PTPRD: variants seen among roughly 807,000 people sequenced by gnomAD.
PTPRD encodes the protein protein tyrosine phosphatase receptor type D.
In PTPRD, 34 loss-of-function variants were observed where a neutral mutation model predicts 214.5. The observed-to-expected ratio is 0.16, with a 90% CI of 0.12 to 0.21. The LOEUF (loss-of-function observed/expected upper bound fraction) is 0.21, where lower values mean the gene tolerates loss of function less well. Ranked by LOEUF, PTPRD falls within the 10% of genes least tolerant of loss-of-function variation. The pLI is 1.00. For synonymous variants in PTPRD, 1,128 were observed against 845.7 expected, an observed-to-expected ratio of 1.33 and a Z score of -5.79; for missense variants, 2,545 against 2,398.7, an observed-to-expected ratio of 1.06 and a Z score of -1.27.
At position 9,325,157 on chromosome 9, in the gene PTPRD, A is replaced by G. The variant is rs575485709; in HGVS notation, c.-203+72292T>C. On this transcript the variant is annotated intron_variant, in intron 9 of 45. Transcript: ENST00000381196. ...TCCAGCTTTGTTCTTTTGGCTTAGG[A>G]TTGTCTTGGCAATGTGGTCTCTTTT... is the stretch of plus-strand genomic sequence containing the variant. Among the ~76,000 whole-genome samples, 899 of 152,162 alleles carry G rather than the reference A, an allele frequency of 5.9e-3. 4 individuals carry two copies. Among genetic ancestry groups the G allele is most frequent in the Non-Finnish European group, 8.2e-3 (555 of 67,986 alleles).
At chr9:9,377,695 C>T (rs1208141567) in intron 9 of PTPRD, among the ~76,000 whole-genome samples, 3 of 152,014 alleles carry the variant, frequency 2.0e-5, no homozygotes, top group Non-Finnish European at 4.4e-5. Flanking sequence ...AACAGCTTAA[C>T]AGTGGCCCAG....
At chr9:8,457,986 T>C (rs1032981761) in intron 33 of PTPRD, among the ~76,000 whole-genome samples, 2 of 152,080 alleles carry the variant, frequency 1.3e-5, no homozygotes, top group Non-Finnish European at 2.9e-5. Context: ...AAGAAGGACA[T>C]TGTTGGTTCT....
At chr9:10,011,899 A>G (rs753221576) in intron 4 of PTPRD, among the ~76,000 whole-genome samples, 4 of 151,972 alleles carry the variant, frequency 2.6e-5, no homozygotes, top group Non-Finnish European at 5.9e-5. Flanking sequence ...CAGTGGGGAT[A>G]AACCTTCATA....
chr9:10,079,530 C>T (rs986993311), intron 3 of PTPRD, among the ~76,000 whole-genome samples: 2 of 152,076 alleles, frequency 1.3e-5, no homozygotes, highest in African/African-American at 4.8e-5. Flanking sequence ...CATGCCACTG[C>T]ACTGCCACAT....
At chr9:8,471,197 G>A (rs1244709542) in intron 30 of PTPRD, 112 bp from the exon 31 acceptor site, 1 of 798,676 alleles carries the variant, frequency 1.3e-6, no homozygotes. Flanking sequence ...TGGATATGGG[G>A]TGACTTGTCC....
rs571015547 is a variant in PTPRD at position 9,850,336 on chromosome 9, G to C, written c.-367-83485C>G. Among the ~76,000 whole-genome samples the C allele has an allele frequency of 9.9e-5, 15 of 152,190 alleles. No individual in the cohort carries two copies. The East Asian group carries it at 2.7e-3, about 27-fold the overall frequency. Reference sequence around the variant, plus strand: ...TGGCTCATCATATAGTAAAGAAGTGGAGTTAACATGTAAATGTTTGTTCTT... The same window carrying C: ...TGGCTCATCATATAGTAAAGAAGTGCAGTTAACATGTAAATGTTTGTTCTT... On this transcript the variant is annotated intron_variant, in intron 5 of 45. Coordinates refer to ENST00000381196, the MANE Select transcript of PTPRD (RefSeq NM_002839.4).
intron 9 of PTPRD, among the ~76,000 whole-genome samples, chr9:9,324,646 G>C (rs531326167): frequency 6.6e-6 from 1 of 152,148 alleles, no homozygotes; most frequent in Non-Finnish European, 1.5e-5. Context: ...TAGGTTGCCT[G>C]TTCACTCTGA....
chr9:8,465,696 A>T, intron 31 of PTPRD, 21 bp from the exon 32 acceptor site: 1 of 1,582,112 alleles, frequency 6.3e-7, no homozygotes. Context: ...AAAGTGGGAA[A>T]CAGAAAAAGA....
intron 7 of PTPRD, among the ~76,000 whole-genome samples, chr9:9,607,052 C>T (rs909506289): frequency 3.5e-5 from 5 of 143,436 alleles, no homozygotes; most frequent in Non-Finnish European, 7.5e-5. Flanking sequence ...GGAATTCACC[C>T]TTAAATGGAA....
At chr9:10,298,245 A>C (rs2095746799) in intron 3 of PTPRD, among the ~76,000 whole-genome samples, 1 of 152,108 alleles carries the variant, frequency 6.6e-6, no homozygotes. Context: ...CTTGTTCCCT[A>C]AAATAGAAAT....
At chr9:9,473,283 G>T (rs938652234) in intron 8 of PTPRD, among the ~76,000 whole-genome samples, 1 of 152,048 alleles carries the variant, frequency 6.6e-6, no homozygotes, top group African/African-American at 2.4e-5. Context: ...CCAGGTTTAC[G>T]CATGTTGTAT....
chr9:9,545,605 T>G (rs1485588846), intron 8 of PTPRD, among the ~76,000 whole-genome samples: 1 of 151,894 alleles, frequency 6.6e-6, no homozygotes, highest in African/African-American at 2.4e-5. Flanking sequence ...ACCAAAATTT[T>G]TAACTCTTTT....
intron 10 of PTPRD, among the ~76,000 whole-genome samples, chr9:9,046,184 A>G (rs1433136781): frequency 6.6e-6 from 1 of 152,194 alleles, no homozygotes; most frequent in Admixed American, 6.6e-5. Flanking sequence ...TTGAATGCAC[A>G]CTTCATGCCT....
intron 4 of PTPRD, among the ~76,000 whole-genome samples, chr9:9,982,932 G>T (rs2095593844): frequency 6.6e-6 from 1 of 151,888 alleles, no homozygotes; most frequent in African/African-American, 2.4e-5. Context: ...TAGTTCTAAA[G>T]TTTTCTGTAT....
intron 10 of PTPRD, among the ~76,000 whole-genome samples, chr9:9,087,471 T>C (rs2154428487): frequency 6.6e-6 from 1 of 152,260 alleles, no homozygotes; most frequent in South Asian, 2.1e-4. Flanking sequence ...AGAGGCATTG[T>C]CCTTCCATAA....
chr9:10,051,450 A>T, intron 3 of PTPRD, among the ~76,000 whole-genome samples: 1 of 151,496 alleles, frequency 6.6e-6, no homozygotes, highest in African/African-American at 2.4e-5. Context: ...CAGTTTTTTT[A>T]CATTTTATTA....
intron 5 of PTPRD, among the ~76,000 whole-genome samples, chr9:9,878,854 T>C (rs1159497958): frequency 1.3e-5 from 2 of 152,130 alleles, no homozygotes; most frequent in Non-Finnish European, 2.9e-5. Context: ...GGAAGAACCA[T>C]TTTTCCTTTA....
intron 36 of PTPRD, among the ~76,000 whole-genome samples, chr9:8,401,290 G>A (rs564280851): frequency 6.6e-6 from 1 of 151,838 alleles, no homozygotes; most frequent in East Asian, 1.9e-4. Context: ...TCAGCCTCCT[G>A]AGTAGCTGGG....
intron 2 of PTPRD, among the ~76,000 whole-genome samples, chr9:10,589,027 T>C (rs2074702298): frequency 6.6e-6 from 1 of 152,066 alleles, no homozygotes; most frequent in Non-Finnish European, 1.5e-5. Flanking sequence ...TGAATATATA[T>C]TTGCTCATGA....
Sources: gnomAD v4.1 joint callset for allele counts (sites outside exome capture counted in the v4.1 genomes callset) on GRCh38, gnomAD v4.1.1 for gene constraint, MANE v1.5 for transcripts, NCBI Gene and HGNC (gene_info 2026-07-23, HGNC 2026-07-21) for gene names.